The following ANKFN1 variants were observed in gnomAD, a reference collection of about 807,000 sequenced individuals.
ANKFN1 encodes the protein ankyrin repeat and fibronectin type-III domain-containing protein 1.
A neutral mutation model predicts 108.7 loss-of-function variants in ANKFN1; 74 were observed. That is an observed-to-expected ratio of 0.68 (90% CI 0.56 to 0.83). The LOEUF (loss-of-function observed/expected upper bound fraction) is 0.83. Ranked by LOEUF, ANKFN1 falls within the 40% of genes least tolerant of loss-of-function variation. The pLI, the probability that ANKFN1 is intolerant of heterozygous loss-of-function variation, is 0.00. For missense variants in ANKFN1, 1,505 were observed against 1,382.3 expected (o/e 1.09, Z -1.41); for synonymous variants, 547 against 516.2 (o/e 1.06, Z -0.81).
At chr17:56,146,574 T>C (rs1021265077) in intron 4 of ANKFN1, among the ~76,000 whole-genome samples, 1 of 152,236 alleles carries the variant, frequency 6.6e-6, no homozygotes, top group Non-Finnish European at 1.5e-5. Flanking sequence ...CACCATGTGT[T>C]AGCCACTGAG....
At chr17:56,283,234 G>C (rs1485563115) in intron 3 of ANKFN1, among the ~76,000 whole-genome samples, 3 of 152,026 alleles carry the variant, frequency 2.0e-5, no homozygotes, top group Non-Finnish European at 4.4e-5. Context: ...AATTCACTTA[G>C]TATAATGGTC....
upstream of ANKFN1, among the ~76,000 whole-genome samples, chr17:56,148,999 T>C (rs1908434095): frequency 6.6e-6 from 1 of 152,224 alleles, no homozygotes; most frequent in Non-Finnish European, 1.5e-5. Context: ...AGAGGTTATA[T>C]AATTCATTCA....
At chr17:56,476,623 T>C (rs1460758375) in intron 15 of ANKFN1, among the ~76,000 whole-genome samples, 2 of 152,230 alleles carry the variant, frequency 1.3e-5, no homozygotes, top group Non-Finnish European at 2.9e-5. Context: ...GCAAAGCCAC[T>C]GACAACTGAG....
intron 4 of ANKFN1, among the ~76,000 whole-genome samples, chr17:56,130,644 G>T (rs1199207574): frequency 1.3e-5 from 2 of 152,044 alleles, no homozygotes; most frequent in Non-Finnish European, 2.9e-5. Context: ...AGTCATGCAG[G>T]TTTACTGGAT....
chr17:56,085,738 G>C (rs1199910838), intron 4 of ANKFN1, among the ~76,000 whole-genome samples: 1 of 151,318 alleles, frequency 6.6e-6, no homozygotes, highest in Non-Finnish European at 1.5e-5. Context: ...GCTCCCTGCT[G>C]AGGGTACAAT....
At chr17:56,366,064 G>A (rs927742197) in intron 6 of ANKFN1, among the ~76,000 whole-genome samples, 1 of 152,194 alleles carries the variant, frequency 6.6e-6, no homozygotes, top group African/African-American at 2.4e-5. Context: ...GGGATAAGAT[G>A]TTGAGGTGGA....
intron 4 of ANKFN1, among the ~76,000 whole-genome samples, chr17:56,330,008 A>T (rs903203501): frequency 6.6e-6 from 1 of 152,204 alleles, no homozygotes; most frequent in Non-Finnish European, 1.5e-5. Flanking sequence ...TGAGAAATAA[A>T]TGTTTACTGT....
At chr17:56,288,119 C>T (rs2044265996) in intron 3 of ANKFN1, among the ~76,000 whole-genome samples, 1 of 151,688 alleles carries the variant, frequency 6.6e-6, no homozygotes, top group Admixed American at 6.6e-5. Context: ...GCACAATTTC[C>T]ATTTTAATTT....
intron 4 of ANKFN1, among the ~76,000 whole-genome samples, chr17:56,095,548 C>A (rs562586762): frequency 3.9e-5 from 6 of 151,972 alleles, no homozygotes; most frequent in Non-Finnish European, 8.8e-5. Flanking sequence ...GCAATCTTCC[C>A]GCCTCAGCCT....
chr17:56,146,971 A>C lies in ANKFN1; in HGVS notation c.289-80946A>C, dbSNP rs578080822. The stretch of plus-strand genomic sequence containing the variant: ...CTTCCTCTTGAGTGCTTTGCCACTT[A>C]GAAATTTCTTCTGCCAGATACCCTA... On this transcript the variant is annotated intron_variant, in intron 4 of 12. Coordinates refer to the ANKFN1 transcript ENST00000635860. Among the ~76,000 whole-genome samples, 142 of 152,264 alleles carry C rather than the reference A, an allele frequency of 9.3e-4. 4 individuals carry two copies. The South Asian group carries it at 0.028, about 30-fold the overall frequency.
At chr17:56,328,131 G>A (rs774325841) in intron 4 of ANKFN1, among the ~76,000 whole-genome samples, 16 of 152,062 alleles carry the variant, frequency 1.1e-4, no homozygotes, top group Admixed American at 2.6e-4. Context: ...CTATACTTAC[G>A]ACCCCAAGAT....
At chr17:56,159,498 CT>C (rs1311429247) in intron 1 of ANKFN1, among the ~76,000 whole-genome samples, 4 of 152,202 alleles carry the variant, frequency 2.6e-5, no homozygotes, top group Non-Finnish European at 5.9e-5. Context: ...ATAGCATTAT[CT>C]TTGTCCAACC....
chr17:56,463,346 G>A (rs1471490151), intron 14 of ANKFN1, among the ~76,000 whole-genome samples: 4 of 152,132 alleles, frequency 2.6e-5, no homozygotes, highest in Non-Finnish European at 5.9e-5. Context: ...TCCAAAGCCT[G>A]CTTCCTTTCC....
At chr17:56,142,323 A>C (rs1243691355) in intron 4 of ANKFN1, among the ~76,000 whole-genome samples, 1 of 152,146 alleles carries the variant, frequency 6.6e-6, no homozygotes, top group African/African-American at 2.4e-5. Flanking sequence ...CTGGGTGGAA[A>C]CGACAAGTTG....
At chr17:56,183,004 C>T (rs902670257) in intron 1 of ANKFN1, among the ~76,000 whole-genome samples, 31 of 152,128 alleles carry the variant, frequency 2.0e-4, no homozygotes, top group African/African-American at 7.5e-4. Context: ...ATTTTAAGCC[C>T]ACTATTGAAA....
chr17:56,078,195 G>C (rs182875388), intron 4 of ANKFN1, among the ~76,000 whole-genome samples: 39 of 149,862 alleles, frequency 2.6e-4, no homozygotes, highest in African/African-American at 9.1e-4. Context: ...TGTGATTTGA[G>C]AGTAAGGCAC....
intron 4 of ANKFN1, among the ~76,000 whole-genome samples, chr17:56,098,409 TACAC>T (rs1213564531): frequency 6.9e-6 from 1 of 145,604 alleles, no homozygotes; most frequent in Non-Finnish European, 1.5e-5. Flanking sequence ...GCTACACACA[TACAC>T]ACAAACACAC....
intron 1 of ANKFN1, among the ~76,000 whole-genome samples, chr17:56,193,109 G>A (rs1376104526): frequency 1.1e-5 from 1 of 92,370 alleles, no homozygotes; most frequent in Non-Finnish European, 2.0e-5. Context: ...GTAGGGACAT[G>A]GATGAAATTG....
chr17:56,404,135 G>A (rs896702596), intron 8 of ANKFN1, among the ~76,000 whole-genome samples: 1 of 152,098 alleles, frequency 6.6e-6, no homozygotes, highest in Admixed American at 6.6e-5. Flanking sequence ...TGATGACAAT[G>A]TGCCTAGGTG....
Sources: gnomAD v4.1 joint callset for allele counts (sites outside exome capture counted in the v4.1 genomes callset) on GRCh38, gnomAD v4.1.1 for gene constraint, MANE v1.5 for transcripts, NCBI Gene and HGNC (gene_info 2026-07-23, HGNC 2026-07-21) for gene names.